Variants in METAP1 observed in about 807,000 individuals in gnomAD.
The protein encoded by METAP1 is methionyl aminopeptidase 1, also known as methionine aminopeptidase 1.
Under a neutral mutation model 53.8 loss-of-function variants are expected in METAP1, and 28 were observed. That is an observed-to-expected ratio of 0.52 (90% CI 0.39 to 0.71). The LOEUF (loss-of-function observed/expected upper bound fraction) is 0.71, where lower values mean the gene tolerates loss of function less well. METAP1 is among the 30% of genes least tolerant of loss of function. The probability of loss-of-function intolerance (pLI) is 0.00; values close to 1 mark genes in which losing one functional copy is unlikely to be tolerated. For missense variants in METAP1, 389 were observed against 479.8 expected, an observed-to-expected ratio of 0.81 and a Z score of 1.77; for synonymous variants, 181 against 165.7, an observed-to-expected ratio of 1.09 and a Z score of -0.71.
intron 4 of METAP1, among the ~76,000 whole-genome samples, chr4:99,038,567 A>T (rs2110358618): frequency 6.6e-6 from 1 of 152,154 alleles, no homozygotes; most frequent in East Asian, 1.9e-4. Flanking sequence ...TCTGTTTGTT[A>T]ATATTTTTAT....
intron 1 of METAP1, 86 bp downstream of exon 1, chr4:98,995,953 G>T: frequency 1.9e-6 from 2 of 1,068,284 alleles, no homozygotes; most frequent in Non-Finnish European, 2.8e-6. Context: ...CCCTTGCGGC[G>T]AGTCGGGACG....
At chr4:99,049,952 C>G (rs1726575877) in intron 9 of METAP1, among the ~76,000 whole-genome samples, 1 of 152,182 alleles carries the variant, frequency 6.6e-6, no homozygotes, top group South Asian at 2.1e-4. Flanking sequence ...TAAAGCAACT[C>G]TGTGCTTACA....
chr4:99,027,708 A>C (rs1466257473), intron 1 of METAP1, among the ~76,000 whole-genome samples: 1 of 152,140 alleles, frequency 6.6e-6, no homozygotes, highest in African/African-American at 2.4e-5. Context: ...AAAACTGAAA[A>C]ATCTCTAATG....
intron 1 of METAP1, among the ~76,000 whole-genome samples, chr4:99,016,971 G>A (rs1211597231): frequency 7.2e-5 from 11 of 152,124 alleles, no homozygotes; most frequent in Non-Finnish European, 1.0e-4. Flanking sequence ...CCCACATTTC[G>A]CTTAGTTTTT....
chr4:99,054,664 T>C (rs1167419774), intron 9 of METAP1, among the ~76,000 whole-genome samples: 3 of 152,198 alleles, frequency 2.0e-5, no homozygotes, highest in African/African-American at 7.2e-5. Context: ...TCTCATTAAG[T>C]TTAATCATTT....
chr4:99,013,583 T>G (rs1365059991), intron 1 of METAP1, among the ~76,000 whole-genome samples: 1 of 152,220 alleles, frequency 6.6e-6, no homozygotes, highest in Admixed American at 6.5e-5. Context: ...TTATAACCTT[T>G]ACATCCTGAT....
In METAP1 at chr4:99,048,038, G is replaced by A. The variant is rs183373518; in HGVS notation, c.788-695G>A. Among the ~76,000 whole-genome samples, 550 of 152,236 alleles carry A rather than the reference G, an allele frequency of 3.6e-3. 3 individuals carry two copies. Among genetic ancestry groups the A allele is most frequent in the African/African-American group, 0.012 (484 of 41,552 alleles). On this transcript the variant is annotated intron_variant, in intron 8 of 10. Transcript: ENST00000296411. ...CAGGACAATTCGTTACTTTTTGGACGTTCCTTTTACTCCTAGTGCACTTTC... is the reference window on the plus strand; with the variant it reads ...CAGGACAATTCGTTACTTTTTGGACATTCCTTTTACTCCTAGTGCACTTTC...
intron 1 of METAP1, among the ~76,000 whole-genome samples, chr4:99,001,819 T>C (rs1273988014): frequency 6.6e-6 from 1 of 152,218 alleles, no homozygotes; most frequent in Non-Finnish European, 1.5e-5. Flanking sequence ...TCTATATCCT[T>C]TTCCAGAACA....
At position 99,004,474 on chromosome 4, in the gene METAP1, C is replaced by CATAA. The variant is rs1374928925; in HGVS notation, c.114+8608_114+8609insTAAA. The stretch of plus-strand genomic sequence containing the variant: ...ACACACACACACACACACACACACA[C>CATAA]ACACACACATACACACACACACACA... On this transcript the variant is annotated intron_variant, in intron 1 of 10. Coordinates refer to ENST00000296411, the MANE Select transcript of METAP1 (RefSeq NM_015143.3). 5.0e-3 allele frequency among the ~76,000 whole-genome samples: 102 copies of CATAA among 20,524 alleles called. 2 individuals are homozygous for CATAA. The highest frequency in any genetic ancestry group is 0.018 in the African/African-American group (98 of 5,480). The allele number at this position is 20,524 out of a possible 152,430, so 13.5% of individuals were successfully genotyped here.
At chr4:99,033,282 C>G (rs1398846841) in intron 2 of METAP1, among the ~76,000 whole-genome samples, 1 of 149,154 alleles carries the variant, frequency 6.7e-6, no homozygotes, top group African/African-American at 2.5e-5. Flanking sequence ...CTTCTAAAAT[C>G]AAGTTTGAAG....
At chr4:99,005,682 G>C (rs753691049) in intron 1 of METAP1, 6 of 303,580 alleles carry the variant, frequency 2.0e-5, no homozygotes, top group Non-Finnish European at 3.3e-5. Flanking sequence ...AGTGTCAGCT[G>C]ATGAGTGGAT....
At chr4:99,027,476 C>T (rs925328874) in intron 1 of METAP1, among the ~76,000 whole-genome samples, 2 of 151,756 alleles carry the variant, frequency 1.3e-5, no homozygotes, top group African/African-American at 4.8e-5. Flanking sequence ...GGTGTGTTGA[C>T]AGACTTTAGT....
chr4:99,003,471 C>T (rs1485113770), intron 1 of METAP1, among the ~76,000 whole-genome samples: 1 of 152,110 alleles, frequency 6.6e-6, no homozygotes, highest in Admixed American at 6.5e-5. Context: ...TATGTTATTA[C>T]TGATTATTTC....
chr4:99,043,393 A>G lies in METAP1; in HGVS notation c.655+6A>G. Reference sequence around the variant, plus strand: ...AGAAGGTGACATTGTTAATGGTAAGAAAAATATGTTACTTTCATCACCATG... The same window carrying G: ...AGAAGGTGACATTGTTAATGGTAAGGAAAATATGTTACTTTCATCACCATG... On this transcript the variant is annotated splice_donor_region_variant and intron_variant, in intron 7 of 10. Transcript: ENST00000296411. The G allele has an allele frequency of 6.3e-7, 1 of 1,582,168 alleles. No individual in the cohort carries two copies. The highest frequency in any genetic ancestry group is 1.8e-5 in the Admixed American group (1 of 55,402).
At chr4:99,022,932 A>G in intron 1 of METAP1, 1 of 1,499,306 alleles carries the variant, frequency 6.7e-7, no homozygotes, top group Non-Finnish European at 9.0e-7. Context: ...CACCATAGGC[A>G]CTGAGAAGGT....
chr4:99,030,473 A>G (rs1167239115), intron 2 of METAP1, among the ~76,000 whole-genome samples: 3 of 152,128 alleles, frequency 2.0e-5, no homozygotes, highest in Non-Finnish European at 4.4e-5. Flanking sequence ...TTTTCAGTGG[A>G]TGAGCCTGCT....
At chr4:99,059,136 T>C (rs538666175) in intron 10 of METAP1, among the ~76,000 whole-genome samples, 1 of 152,362 alleles carries the variant, frequency 6.6e-6, no homozygotes, top group East Asian at 1.9e-4. Context: ...AATAACTTTC[T>C]ATACAGCCAG....
Position 99,014,530 on chromosome 4 carries a change from G to A in METAP1, c.115-14337G>A, listed in dbSNP as rs150498519. ...GTTTATCGTGACCCACCAAAATAACGTTGACTCGAGTCTAGCAGCTATCTG... is the reference window on the plus strand; with the variant it reads ...GTTTATCGTGACCCACCAAAATAACATTGACTCGAGTCTAGCAGCTATCTG... On this transcript the variant is annotated intron_variant, in intron 1 of 10. Transcript: ENST00000296411. 8.5e-5 allele frequency among the ~76,000 whole-genome samples: 13 copies of A among 152,190 alleles called. No homozygotes were observed. The East Asian group carries it at 1.4e-3, about 16-fold the overall frequency.
intron 1 of METAP1, chr4:99,005,723 A>G (rs1169540116): frequency 2.5e-6 from 1 of 394,686 alleles, no homozygotes; most frequent in African/African-American, 2.1e-5. Flanking sequence ...ACATCATGAA[A>G]TACTCCCCAG....
Sources: gnomAD v4.1 joint callset for allele counts (sites outside exome capture counted in the v4.1 genomes callset) on GRCh38, gnomAD v4.1.1 for gene constraint, MANE v1.5 for transcripts, NCBI Gene and HGNC (gene_info 2026-07-23, HGNC 2026-07-21) for gene names.